The following OSCP1 variants were observed in gnomAD, a reference collection of about 807,000 sequenced individuals.
The protein encoded by OSCP1 is protein OSCP1.
In OSCP1, 35 loss-of-function variants were observed where a neutral mutation model predicts 45.1. That is an observed-to-expected ratio of 0.78 (90% confidence interval 0.59 to 1.03). OSCP1 has a LOEUF of 1.03. Among genes scored for constraint, OSCP1 ranks in the 50% least tolerant of loss-of-function variants. The pLI, the probability that OSCP1 is intolerant of heterozygous loss-of-function variation, is 0.00. For missense variants in OSCP1, 400 were observed against 470.7 expected, an observed-to-expected ratio of 0.85 and a Z score of 1.39; for synonymous variants, 179 against 180.1, an observed-to-expected ratio of 0.99 and a Z score of 0.05.
chr1:36,430,316 C>G (rs61771054), intron 4 of OSCP1, among the ~76,000 whole-genome samples: 30,586 of 152,064 alleles, frequency 0.2, 3,216 homozygotes, highest in East Asian at 0.26. Flanking sequence ...GCTAGGATTA[C>G]AGGCATGAGC....
chr1:36,421,626 CCCTGGGTCCCCAGCCCA>C (rs1647620418), intron 7 of OSCP1, among the ~76,000 whole-genome samples: 1 of 152,174 alleles, frequency 6.6e-6, no homozygotes. Flanking sequence ...AGCTTCGTGT[CCCTGGGTCCCCAGCCCA>C]TAGAAGCAGT....
In OSCP1 at chr1:36,447,701, A is replaced by T; in HGVS notation, c.112+2557T>A. On this transcript the variant is annotated intron_variant, in intron 1 of 9. Transcript: ENST00000235532. The surrounding 1 kb of genome is among the most constrained non-coding windows in gnomAD (Gnocchi z 4.1). ...TGTGTTACAATAGTTGGGAGGATTA[A>T]GGTGTTTAAGAGGAGCCCTTGGTAC... is the stretch of plus-strand genomic sequence containing the variant. 4.6e-6 allele frequency: 1 copy of T among 217,038 alleles called. No homozygotes were observed. Among genetic ancestry groups the T allele is most frequent in the Non-Finnish European group, 9.9e-6 (1 of 101,244 alleles). The allele number at this position is 217,038 out of a possible 1,614,324, so 13.4% of individuals were successfully genotyped here.
At chr1:36,423,665 G>T (rs146857888) in intron 4 of OSCP1, among the ~76,000 whole-genome samples, 199 bp from the exon 5 acceptor site, 15,517 of 151,926 alleles carry the variant, frequency 0.1, 937 homozygotes, top group East Asian at 0.29. Flanking sequence ...ATGAGGTCAG[G>T]AGATAGAGAC....
At position 36,418,163 on chromosome 1, in the gene OSCP1, C is replaced by A. The variant is rs1647385046; in HGVS notation, c.1116G>T (p.Leu372Phe). 6.2e-7 allele frequency: 1 copy of A among 1,614,054 alleles called. No homozygotes were observed. The highest frequency in any genetic ancestry group is 1.3e-5 in the African/African-American group (1 of 74,940). Residue 372 changes from leucine to phenylalanine, a missense_variant, in exon 10 of 10, where the codon TTG (leucine) becomes TTT (phenylalanine). Physicochemically the swap from Leu to Phe is conservative, Grantham distance 22. Transcript: ENST00000235532. ...GCTATAACTCATCCATCATGGCGAG[C>A]AAATCGTCCCCTTTGCTGGTGCTCA... Reference protein sequence around the residue: ...PRLSTSKGDDLLAMMDEL With the variant: ...PRLSTSKGDDFLAMMDEL
chr1:36,423,827 T>C (rs1442829984), intron 4 of OSCP1, among the ~76,000 whole-genome samples: 1 of 151,808 alleles, frequency 6.6e-6, no homozygotes, highest in Admixed American at 6.6e-5. Flanking sequence ...TGAGCCAAGA[T>C]CGTGCCATTG....
intron 7 of OSCP1, 131 bp from the exon 8 acceptor site, chr1:36,420,746 T>A: frequency 7.7e-7 from 1 of 1,295,332 alleles, no homozygotes; most frequent in Non-Finnish European, 1.1e-6. Flanking sequence ...TGGGTCCAAA[T>A]AAAGTGTAGA....
chr1:36,419,510 T>C (rs1372917463), intron 8 of OSCP1, among the ~76,000 whole-genome samples: 1 of 152,208 alleles, frequency 6.6e-6, no homozygotes, highest in Non-Finnish European at 1.5e-5. Context: ...CACACAGAAT[T>C]AAACAAAAGA....
At chr1:36,429,067 G>A (rs1377598043) in intron 4 of OSCP1, among the ~76,000 whole-genome samples, 1 of 152,026 alleles carries the variant, frequency 6.6e-6, no homozygotes, top group Non-Finnish European at 1.5e-5. Context: ...TCGCCACTGT[G>A]GCCAGCTCTG....
At chr1:36,434,345 T>C (rs1340807759) in intron 2 of OSCP1, among the ~76,000 whole-genome samples, 2 of 152,216 alleles carry the variant, frequency 1.3e-5, no homozygotes, top group Non-Finnish European at 2.9e-5. Context: ...AAGTGCAGAA[T>C]GATATTTGAC....
rs757905867 is a variant in OSCP1 at position 36,422,849 on chromosome 1, T to C, written c.668A>G (p.His223Arg). 6.2e-7 allele frequency: 1 copy of C among 1,611,328 alleles called. No individual in the cohort carries two copies. The highest frequency in any genetic ancestry group is 1.1e-5 in the South Asian group (1 of 90,720). Residue 223 changes from histidine to arginine, a missense_variant, in exon 6 of 10, where the codon CAT becomes CGT. Physicochemically the swap from His to Arg is conservative, Grantham distance 29. Coordinates refer to ENST00000235532, the MANE Select transcript of OSCP1 (RefSeq NM_145047.5). ...GGGTGCAGGGACATAGTTTCCACCA[T>C]GCTTGAATTCTATCCTCTTCACTTC... ...GEEVKRIEFKHGGNYVPAPKE... is the reference protein window; with the variant it reads ...GEEVKRIEFKRGGNYVPAPKE...
intron 8 of OSCP1, chr1:36,420,218 C>T (rs181129445): frequency 1.2e-3 from 351 of 304,206 alleles, no homozygotes; most frequent in Admixed American, 2.2e-3. Context: ...CCTTGTGATC[C>T]GCCTGCCTTG....
chr1:36,427,916 T>C (rs913724588), intron 4 of OSCP1, among the ~76,000 whole-genome samples: 1 of 151,992 alleles, frequency 6.6e-6, no homozygotes, highest in African/African-American at 2.4e-5. Context: ...GGCCGGGCGC[T>C]GTGGCTCGCG....
At chr1:36,420,367 G>A (rs1156553690) in intron 8 of OSCP1, 109 bp downstream of exon 8, 1 of 1,276,466 alleles carries the variant, frequency 7.8e-7, no homozygotes, top group Non-Finnish European at 1.1e-6. Flanking sequence ...TTTTATTTGT[G>A]ATATTTACAC....
At chr1:36,444,721 G>C (rs1388330120) in intron 1 of OSCP1, among the ~76,000 whole-genome samples, 1 of 152,162 alleles carries the variant, frequency 6.6e-6, no homozygotes, top group Non-Finnish European at 1.5e-5. Context: ...AATGCAGTTG[G>C]CTAGAGAAAT....
chr1:36,446,312 T>C (rs6662907), intron 1 of OSCP1, among the ~76,000 whole-genome samples: 52,007 of 152,240 alleles, frequency 0.34, 9,237 homozygotes, highest in East Asian at 0.55. Flanking sequence ...CGTGAGCCAC[T>C]GCGCCCGGCC....
At chr1:36,431,195 G>GT (rs1372272117) in intron 4 of OSCP1, among the ~76,000 whole-genome samples, 1 of 152,194 alleles carries the variant, frequency 6.6e-6, no homozygotes, top group Admixed American at 6.5e-5. Flanking sequence ...CTGGAGGGCA[G>GT]GGGTGGGGCC....
At chr1:36,438,679 A>G in intron 2 of OSCP1, 77 bp downstream of exon 2, 1 of 1,499,020 alleles carries the variant, frequency 6.7e-7, no homozygotes, top group Non-Finnish European at 8.9e-7. Flanking sequence ...ACATCATCTC[A>G]TGTGACCCCA....
chr1:36,445,125 G>A (rs1350731814), intron 1 of OSCP1, among the ~76,000 whole-genome samples: 2 of 152,156 alleles, frequency 1.3e-5, no homozygotes, highest in Non-Finnish European at 2.9e-5. Context: ...CAAGATGGGC[G>A]GATCACCTGA....
intron 2 of OSCP1, among the ~76,000 whole-genome samples, chr1:36,434,266 A>G (rs1475066325): frequency 6.6e-6 from 1 of 152,242 alleles, no homozygotes; most frequent in African/African-American, 2.4e-5. Context: ...ATTCTTCACA[A>G]GAACTCTATG....
Sources: allele counts gnomAD v4.1 joint callset (sites outside exome capture counted in the v4.1 genomes callset), GRCh38; gene constraint gnomAD v4.1.1; non-coding constraint Gnocchi (gnomAD v3.1); transcripts MANE v1.5; gene names NCBI Gene and HGNC (gene_info 2026-07-23, HGNC 2026-07-21).